HADH: variants seen among roughly 807,000 people sequenced by gnomAD.
HADH encodes hydroxyacyl-CoA dehydrogenase.
HADH carries 24 observed loss-of-function variants against 32.2 expected under a neutral mutation model. The observed-to-expected ratio is 0.75, with a 90% confidence interval of 0.54 to 1.05. The LOEUF is 1.05. Ranked by LOEUF, HADH falls within the 50% of genes least tolerant of loss-of-function variation. The pLI, the probability that HADH is intolerant of heterozygous loss-of-function variation, is 0.00. For missense variants in HADH, 350 were observed against 397.1 expected, an observed-to-expected ratio of 0.88 and a Z score of 1.01; for synonymous variants, 139 against 152.5, an observed-to-expected ratio of 0.91 and a Z score of 0.65.
intron 1 of HADH, among the ~76,000 whole-genome samples, chr4:107,996,769 C>T (rs1036831994): frequency 5.9e-5 from 9 of 152,044 alleles, no homozygotes; most frequent in Non-Finnish European, 1.2e-4. Context: ...TGACACATGC[C>T]TGCAGTCCCA....
intron 1 of HADH, among the ~76,000 whole-genome samples, chr4:107,990,735 GTC>G (rs1289258166): frequency 1.4e-5 from 2 of 146,562 alleles, no homozygotes; most frequent in South Asian, 2.2e-4. Context: ...AGCGGAATAA[GTC>G]TCTCTCTTTT....
At chr4:108,033,871 A>G (rs1021862625) in intron 7 of HADH, among the ~76,000 whole-genome samples, 2 of 152,262 alleles carry the variant, frequency 1.3e-5, no homozygotes, top group African/African-American at 2.4e-5. Flanking sequence ...AGGAATGCAG[A>G]TTTTTTAACG....
intron 1 of HADH, among the ~76,000 whole-genome samples, chr4:108,008,545 T>C (rs1031216528): frequency 1.3e-5 from 2 of 152,238 alleles, no homozygotes; most frequent in South Asian, 4.1e-4. Context: ...CTTTTACTCA[T>C]TGGTTTTCTG....
At chr4:107,993,971 A>G (rs1260461210) in intron 1 of HADH, among the ~76,000 whole-genome samples, 11 of 152,200 alleles carry the variant, frequency 7.2e-5, no homozygotes, top group Non-Finnish European at 1.5e-4. Context: ...GCATTTCTCC[A>G]GTATTGAATC....
chr4:108,032,200 C>T (rs1560740729), intron 6 of HADH: 1 of 582,892 alleles, frequency 1.7e-6, no homozygotes, highest in Non-Finnish European at 3.2e-6. Flanking sequence ...CTGTTGCAGA[C>T]TATTCTACTT....
intron 1 of HADH, among the ~76,000 whole-genome samples, chr4:108,001,305 C>G (rs2126221408): frequency 6.6e-6 from 1 of 152,152 alleles, no homozygotes; most frequent in East Asian, 1.9e-4. Context: ...GTTTCAGGCA[C>G]AGTTGGAAGT....
chr4:108,014,778 A>T (rs1019785864), intron 3 of HADH, among the ~76,000 whole-genome samples, 190 bp downstream of exon 3: 3 of 152,130 alleles, frequency 2.0e-5, no homozygotes, highest in Admixed American at 2.0e-4. Context: ...CCCAATAGGT[A>T]ATTTTTCAAC....
intron 1 of HADH, among the ~76,000 whole-genome samples, chr4:108,002,029 C>CCTTTTTT (rs1735133009): frequency 6.6e-6 from 1 of 151,996 alleles, no homozygotes; most frequent in Non-Finnish European, 1.5e-5. Flanking sequence ...AGAGATAAGG[C>CCTTTTTT]CTTTAGGAGG....
chr4:107,999,516 C>T (rs1013258564), intron 1 of HADH, among the ~76,000 whole-genome samples: 2 of 152,062 alleles, frequency 1.3e-5, no homozygotes, highest in African/African-American at 4.8e-5. Flanking sequence ...AATAACGTGA[C>T]TTCTCATAAT....
chr4:107,992,929 A>G (rs575122543), intron 1 of HADH, among the ~76,000 whole-genome samples: 1 of 152,176 alleles, frequency 6.6e-6, no homozygotes, highest in Non-Finnish European at 1.5e-5. Context: ...AGCCTGGCCA[A>G]TATGGTGAAA....
At chr4:107,991,675 A>G (rs892438995) in intron 1 of HADH, among the ~76,000 whole-genome samples, 5 of 152,184 alleles carry the variant, frequency 3.3e-5, no homozygotes, top group Non-Finnish European at 7.3e-5. Flanking sequence ...CCTTTAACCT[A>G]AAAGTTCCAC....
chr4:108,029,427 C>A (rs1419438311), intron 6 of HADH: 1 of 152,466 alleles, frequency 6.6e-6, no homozygotes, highest in Non-Finnish European at 1.5e-5. Flanking sequence ...CTACTCATGT[C>A]TTTTCCTGAC....
intron 1 of HADH, among the ~76,000 whole-genome samples, chr4:107,997,305 T>G (rs566365696): frequency 7.2e-5 from 11 of 152,226 alleles, no homozygotes; most frequent in Non-Finnish European, 1.3e-4. Flanking sequence ...TTGTAATGTC[T>G]AGGCACATGG....
chr4:107,994,880 A>G lies in HADH; in HGVS notation c.132+4816A>G, dbSNP rs548729656. The stretch of plus-strand genomic sequence containing the variant: ...GGAGATACTGTCATTCCTAGAGGGT[A>G]GAAGAGGTAGGGCTCACAGGCAACA... On this transcript the variant is annotated intron_variant, in intron 1 of 7. Transcript: ENST00000309522. 2.0e-5 allele frequency among the ~76,000 whole-genome samples: 3 copies of G among 152,338 alleles called. No individual in the cohort carries two copies. In the East Asian group the frequency reaches 5.8e-4, roughly 29 times the overall value.
intron 1 of HADH, among the ~76,000 whole-genome samples, chr4:108,001,323 C>T (rs895413093): frequency 7.2e-5 from 11 of 151,960 alleles, no homozygotes; most frequent in African/African-American, 2.7e-4. Context: ...AGTATGAGAA[C>T]GATTGGAATT....
chr4:108,018,888 A>AT (rs143353144), intron 3 of HADH, among the ~76,000 whole-genome samples: 6,176 of 152,032 alleles, frequency 0.041, 133 homozygotes, highest in Non-Finnish European at 0.057. Context: ...GTCAGTATGG[A>AT]TTTTTTTTAA....
At chr4:108,029,095 G>A (rs1736165595) in intron 6 of HADH, 1 of 389,614 alleles carries the variant, frequency 2.6e-6, no homozygotes, top group African/African-American at 2.1e-5. Flanking sequence ...AAGTTGCTGG[G>A]TGTCCTGCCT....
chr4:107,990,136 G>T (rs1734733731), intron 1 of HADH, 72 bp downstream of exon 1: 3 of 1,462,888 alleles, frequency 2.1e-6, no homozygotes, highest in Non-Finnish European at 1.9e-6. Context: ...TGGCGCGACC[G>T]GCCGCGAGGG....
chr4:108,028,967 A>T, intron 6 of HADH: 1 of 398,582 alleles, frequency 2.5e-6, no homozygotes, highest in Non-Finnish European at 4.4e-6. Flanking sequence ...CTGAAGCTGG[A>T]AGAGCAGGAC....
Sources: allele counts gnomAD v4.1 joint callset (sites outside exome capture counted in the v4.1 genomes callset), GRCh38; gene constraint gnomAD v4.1.1; transcripts MANE v1.5; gene names NCBI Gene and HGNC (gene_info 2026-07-23, HGNC 2026-07-21).